Variants in CCDC3 observed in about 807,000 individuals in gnomAD.
The protein encoded by CCDC3 is coiled-coil domain-containing protein 3.
CCDC3 carries 24 observed loss-of-function variants against 21.4 expected under a neutral mutation model. The observed-to-expected ratio is 1.12, with a 90% CI of 0.81 to 1.58. CCDC3 has a LOEUF of 1.58. CCDC3 is among the 40% of genes most tolerant of loss of function. The pLI is 0.00. For synonymous variants in CCDC3, 186 were observed against 166.0 expected (o/e 1.12, Z -0.93); for missense variants, 425 against 360.9 (o/e 1.18, Z -1.44).
At chr10:13,081,447 C>A (rs543033829) in intron 3 of CCDC3, among the ~76,000 whole-genome samples, 1 of 152,272 alleles carries the variant, frequency 6.6e-6, no homozygotes, top group East Asian at 1.9e-4. Context: ...ACTGAGACTG[C>A]CGTTCACACA....
chr10:12,914,484 C>T (rs1219246773), intron 2 of CCDC3, among the ~76,000 whole-genome samples: 2 of 152,118 alleles, frequency 1.3e-5, no homozygotes, highest in East Asian at 3.8e-4. Flanking sequence ...CTTGCTCTGT[C>T]ACCCAGGCTG....
At chr10:12,953,665 T>C (rs1311858984) in intron 2 of CCDC3, among the ~76,000 whole-genome samples, 1 of 152,206 alleles carries the variant, frequency 6.6e-6, no homozygotes, top group African/African-American at 2.4e-5. Flanking sequence ...GAGGACAGCT[T>C]GCTCAGCTCT....
chr10:13,081,888 C>G (rs554711540), intron 3 of CCDC3, among the ~76,000 whole-genome samples: 1 of 152,306 alleles, frequency 6.6e-6, no homozygotes, highest in Non-Finnish European at 1.5e-5. Context: ...TCAGATAATC[C>G]TCTAATCGAC....
chr10:12,997,533 A>G (rs1011598729), intron 2 of CCDC3, among the ~76,000 whole-genome samples: 2 of 152,184 alleles, frequency 1.3e-5, no homozygotes, highest in Non-Finnish European at 2.9e-5. Context: ...CCCGACCCTT[A>G]CATTTTGCAA....
chr10:12,997,028 A>G (rs2131284617), intron 2 of CCDC3, among the ~76,000 whole-genome samples: 1 of 152,166 alleles, frequency 6.6e-6, no homozygotes, highest in African/African-American at 2.4e-5. Context: ...GTGGCACGCA[A>G]TTTACCCACG....
chr10:12,998,740 T>A (rs1252266531), intron 1 of CCDC3, among the ~76,000 whole-genome samples: 1 of 152,242 alleles, frequency 6.6e-6, no homozygotes, highest in Non-Finnish European at 1.5e-5. Flanking sequence ...GAGAAAACTA[T>A]GTGTATGGTG....
chr10:12,950,729 C>G (rs910822108), intron 2 of CCDC3, among the ~76,000 whole-genome samples: 1 of 152,152 alleles, frequency 6.6e-6, no homozygotes, highest in Non-Finnish European at 1.5e-5. Context: ...GTCAGAAACC[C>G]TTAGAAGCAC....
chr10:13,088,339 G>A (rs1055147040), intron 3 of CCDC3, among the ~76,000 whole-genome samples: 4 of 152,164 alleles, frequency 2.6e-5, no homozygotes, highest in African/African-American at 9.7e-5. Flanking sequence ...AATTCTATTG[G>A]AGAGCTGTAA....
intron 1 of CCDC3, 86 bp from the exon 2 acceptor site, chr10:12,998,598 G>T: frequency 7.8e-7 from 1 of 1,280,476 alleles, no homozygotes; most frequent in Non-Finnish European, 1.1e-6. Context: ...AACTGCAACG[G>T]GCTTGCCAAT....
intron 2 of CCDC3, among the ~76,000 whole-genome samples, chr10:12,899,695 G>A (rs971098076): frequency 3.9e-5 from 6 of 152,216 alleles, no homozygotes; most frequent in Non-Finnish European, 5.9e-5. Context: ...GCAGAACAGT[G>A]TGTATAGTGT....
chr10:12,933,531 C>T (rs185832670), intron 2 of CCDC3, among the ~76,000 whole-genome samples: 1 of 149,410 alleles, frequency 6.7e-6, no homozygotes, highest in Admixed American at 6.7e-5. Flanking sequence ...GATTTTGGCT[C>T]ACTGCACCCT....
intron 3 of CCDC3, among the ~76,000 whole-genome samples, chr10:13,090,034 G>GATAGATAGATAGATAGATAGAT (rs1259341208): frequency 6.2e-5 from 8 of 129,158 alleles, no homozygotes; most frequent in Admixed American, 2.4e-4. Context: ...TATTCCGTTA[G>GATAGATAGATAGATAGATAGAT]ATATATATAT....
intron 2 of CCDC3, among the ~76,000 whole-genome samples, chr10:12,995,813 C>G (rs576948068): frequency 6.6e-6 from 1 of 152,346 alleles, no homozygotes; most frequent in South Asian, 2.1e-4. Flanking sequence ...AGATCAACAT[C>G]TGATCAACAG....
intron 5 of CCDC3, among the ~76,000 whole-genome samples, chr10:13,027,636 G>T (rs564932250): frequency 4.6e-5 from 7 of 151,792 alleles, no homozygotes; most frequent in African/African-American, 1.7e-4. Context: ...GCTTGAGCTT[G>T]GGAGTTTGAG....
intron 2 of CCDC3, among the ~76,000 whole-genome samples, chr10:12,937,130 C>T (rs893908228): frequency 6.6e-6 from 1 of 150,708 alleles, no homozygotes; most frequent in Non-Finnish European, 1.5e-5. Flanking sequence ...TACCCTCAGA[C>T]TCATTCACTC....
chr10:12,922,367 A>T (rs1834466253), intron 2 of CCDC3, among the ~76,000 whole-genome samples: 1 of 151,326 alleles, frequency 6.6e-6, no homozygotes, highest in Non-Finnish European at 1.5e-5. Context: ...CCTGCATCCC[A>T]CCCTCCCATC....
At chr10:12,909,175 C>T (rs1041099925) in intron 2 of CCDC3, among the ~76,000 whole-genome samples, 2 of 152,158 alleles carry the variant, frequency 1.3e-5, no homozygotes, top group African/African-American at 4.8e-5. Flanking sequence ...CCAGTCACGG[C>T]CAGTTAATTC....
chr10:12,913,575 T>C (rs1243161183), intron 2 of CCDC3, among the ~76,000 whole-genome samples: 1 of 152,244 alleles, frequency 6.6e-6, no homozygotes, highest in Non-Finnish European at 1.5e-5. Context: ...CCTTCATTTC[T>C]TTCTCTTGCC....
intron 2 of CCDC3, among the ~76,000 whole-genome samples, chr10:12,984,298 G>A (rs182037581): frequency 7.0e-4 from 106 of 152,298 alleles, no homozygotes; most frequent in Admixed American, 2.4e-3. Flanking sequence ...AATAAGCACC[G>A]TAAAGATGCT....
Sources: gnomAD v4.1 joint callset for allele counts (sites outside exome capture counted in the v4.1 genomes callset) on GRCh38, gnomAD v4.1.1 for gene constraint, MANE v1.5 for transcripts, NCBI Gene and HGNC (gene_info 2026-07-23, HGNC 2026-07-21) for gene names.